SHISA6: variants seen among roughly 807,000 people sequenced by gnomAD.
The protein encoded by SHISA6 is protein shisa-6.
Under a neutral mutation model 47.9 loss-of-function variants are expected in SHISA6, and 22 were observed. The ratio of observed to expected loss-of-function variants is 0.46; its 90% CI spans 0.33 to 0.66. The LOEUF (loss-of-function observed/expected upper bound fraction) is 0.66. Ranked by LOEUF, SHISA6 falls within the 30% of genes least tolerant of loss-of-function variation. SHISA6 has a pLI of 0.02. For synonymous variants in SHISA6, 388 were observed against 337.8 expected, an observed-to-expected ratio of 1.15 and a Z score of -1.63; for missense variants, 680 against 764.6, an observed-to-expected ratio of 0.89 and a Z score of 1.30.
intron 3 of SHISA6, among the ~76,000 whole-genome samples, chr17:11,510,777 G>A (rs1168389452): frequency 6.6e-6 from 1 of 152,184 alleles, no homozygotes; most frequent in African/African-American, 2.4e-5. Context: ...GTAATGAGCA[G>A]TATGTTACAA....
chr17:11,479,375 C>A (rs1916155793), intron 3 of SHISA6, among the ~76,000 whole-genome samples: 1 of 152,140 alleles, frequency 6.6e-6, no homozygotes, highest in African/African-American at 2.4e-5. Flanking sequence ...AAACCAAACA[C>A]CACATGTTCT....
Position 11,477,972 on chromosome 17 carries a change from C to T in SHISA6, c.896-73924C>T, listed in dbSNP as rs572056318. ...GCTGGGTCAAATGGTATTTCCAGTTCTAGATCCCTGAGGAATCGCCACACT... is the reference window on the plus strand; with the variant it reads ...GCTGGGTCAAATGGTATTTCCAGTTTTAGATCCCTGAGGAATCGCCACACT... On this transcript the variant is annotated intron_variant, in intron 3 of 5. Transcript: ENST00000441885. Among the ~76,000 whole-genome samples, 3 of 117,748 alleles carry T rather than the reference C, an allele frequency of 2.5e-5. No homozygotes were observed. The East Asian group carries it at 7.1e-4, about 28-fold the overall frequency. The allele number at this position is 117,748 out of a possible 152,430, so 77.2% of individuals were successfully genotyped here. A position where few individuals can be genotyped will look rare whatever the true frequency, so the allele number is the denominator to read the frequency against.
At chr17:11,329,532 A>G (rs1339697915) in intron 2 of SHISA6, among the ~76,000 whole-genome samples, 1 of 152,086 alleles carries the variant, frequency 6.6e-6, no homozygotes, top group Non-Finnish European at 1.5e-5. Context: ...CCAGAAAATA[A>G]GAAGGGGATG....
intron 2 of SHISA6, among the ~76,000 whole-genome samples, chr17:11,360,309 C>T (rs1376934762): frequency 6.6e-6 from 1 of 152,184 alleles, no homozygotes; most frequent in African/African-American, 2.4e-5. Flanking sequence ...CCTGTAATCC[C>T]AGCACTTTGT....
chr17:11,320,460 C>G (rs933792752), intron 2 of SHISA6, among the ~76,000 whole-genome samples: 1 of 151,992 alleles, frequency 6.6e-6, no homozygotes, highest in African/African-American at 2.4e-5. Context: ...GAGTTCAAGA[C>G]CAGCCTGGCT....
At chr17:11,380,622 T>A (rs753161407) in intron 3 of SHISA6, among the ~76,000 whole-genome samples, 9 of 152,184 alleles carry the variant, frequency 5.9e-5, no homozygotes, top group Non-Finnish European at 1.2e-4. Flanking sequence ...ATCCACTTTG[T>A]GATTATTACC....
intron 1 of SHISA6, among the ~76,000 whole-genome samples, chr17:11,245,754 G>GGGGGTGGATATCT (rs1907555908): frequency 6.7e-6 from 1 of 149,116 alleles, no homozygotes; most frequent in Non-Finnish European, 1.5e-5. Context: ...CAGGGTGGGG[G>GGGGGTGGATATCT]GGGTGGATAT....
At chr17:11,279,817 G>GA (rs1491409377) in intron 2 of SHISA6, among the ~76,000 whole-genome samples, 20 of 44,956 alleles carry the variant, frequency 4.4e-4, no homozygotes, top group African/African-American at 6.2e-4. Context: ...GAGAGAAAGA[G>GA]GGAGAGAGAG....
In SHISA6 at chr17:11,550,861, A is replaced by G. The variant is rs189637749; in HGVS notation, c.896-1035A>G. Among the ~76,000 whole-genome samples, 442 of 152,364 alleles carry G rather than the reference A, an allele frequency of 2.9e-3. 4 individuals are homozygous for G. The highest frequency in any genetic ancestry group is 0.01 in the African/African-American group (421 of 41,586). ...GTCTTCACAAAGATGCCTGAGCATT[A>G]TGAAGCCCTGGTATTTACAGAATAG... On this transcript the variant is annotated intron_variant, in intron 3 of 5. Coordinates refer to ENST00000441885, the MANE Select transcript of SHISA6 (RefSeq NM_207386.4).
At chr17:11,287,753 AAGTG>A (rs1909372193) in intron 2 of SHISA6, among the ~76,000 whole-genome samples, 1 of 25,492 alleles carries the variant, frequency 3.9e-5, no homozygotes, top group Non-Finnish European at 7.9e-5. Context: ...AAGGGAAGGG[AAGTG>A]GGGAGGGAAG....
At position 11,338,188 on chromosome 17, in the gene SHISA6, A is replaced by C. The variant is rs566490537; in HGVS notation, c.800-41226A>C. ...AACCTCATGTTCAGCAGCTGCACAC[A>C]GACTAGATAGGAGTTTGGCATGCAT... On this transcript the variant is annotated intron_variant, in intron 2 of 5. Transcript: ENST00000441885. Among the ~76,000 whole-genome samples the C allele has an allele frequency of 1.1e-4, 16 of 152,298 alleles. No individual in the cohort carries two copies. In the South Asian group the frequency reaches 3.3e-3, roughly 32 times the overall value.
chr17:11,481,148 A>G (rs981422743), intron 3 of SHISA6, among the ~76,000 whole-genome samples: 6 of 151,898 alleles, frequency 4.0e-5, no homozygotes, highest in Non-Finnish European at 8.8e-5. Flanking sequence ...GTGTGGTGGC[A>G]TGTGCCTGTA....
intron 3 of SHISA6, among the ~76,000 whole-genome samples, chr17:11,480,761 TA>T (rs1916190532): frequency 6.6e-6 from 1 of 152,176 alleles, no homozygotes; most frequent in Non-Finnish European, 1.5e-5. Flanking sequence ...TAGTTGTGTG[TA>T]AACTTACACC....
intron 1 of SHISA6, among the ~76,000 whole-genome samples, chr17:11,260,741 C>G (rs1908203726): frequency 6.6e-6 from 1 of 151,942 alleles, no homozygotes; most frequent in Non-Finnish European, 1.5e-5. Context: ...CCCTCTCACT[C>G]TCCTTCTGTC....
At chr17:11,423,002 A>AT (rs1274546477) in intron 3 of SHISA6, among the ~76,000 whole-genome samples, 2 of 151,178 alleles carry the variant, frequency 1.3e-5, no homozygotes, top group Non-Finnish European at 3.0e-5. Flanking sequence ...TTCCAGGAAA[A>AT]AAAAAACAGA....
intron 2 of SHISA6, among the ~76,000 whole-genome samples, chr17:11,313,440 G>A (rs748464051): frequency 3.3e-5 from 5 of 152,120 alleles, no homozygotes; most frequent in Admixed American, 1.3e-4. Context: ...ATAGAAAAGC[G>A]AACAAGATGG....
chr17:11,265,550 T>C (rs1033036074), intron 2 of SHISA6, among the ~76,000 whole-genome samples: 1 of 152,170 alleles, frequency 6.6e-6, no homozygotes, highest in Non-Finnish European at 1.5e-5. Flanking sequence ...CTTTTTGTCA[T>C]TGATCACTGT....
At chr17:11,406,650 A>G (rs1255057422) in intron 3 of SHISA6, among the ~76,000 whole-genome samples, 1 of 152,202 alleles carries the variant, frequency 6.6e-6, no homozygotes, top group East Asian at 1.9e-4. Context: ...CTCTCAATCT[A>G]TACCACAATG....
At chr17:11,307,822 G>A (rs1161007263) in intron 2 of SHISA6, among the ~76,000 whole-genome samples, 1 of 152,040 alleles carries the variant, frequency 6.6e-6, no homozygotes, top group East Asian at 1.9e-4. Flanking sequence ...AAGGGATATT[G>A]AATAACGAAA....
Sources: allele counts gnomAD v4.1 joint callset (sites outside exome capture counted in the v4.1 genomes callset), GRCh38; gene constraint gnomAD v4.1.1; transcripts MANE v1.5; gene names NCBI Gene and HGNC (gene_info 2026-07-23, HGNC 2026-07-21).